ODF2: variants seen among roughly 807,000 people sequenced by gnomAD.
The protein encoded by ODF2 is outer dense fiber of sperm tails 2.
In ODF2, 47 loss-of-function variants were observed where a neutral mutation model predicts 110.2. The observed-to-expected ratio is 0.43, with a 90% CI of 0.34 to 0.54. ODF2 has a LOEUF of 0.54. Ranked by LOEUF, ODF2 falls within the 20% of genes least tolerant of loss-of-function variation. The pLI is 0.03. For missense variants in ODF2, 812 were observed against 1,054.5 expected (o/e 0.77, Z 3.19); for synonymous variants, 352 against 397.7 (o/e 0.89, Z 1.37).
intron 4 of ODF2, among the ~76,000 whole-genome samples, chr9:128,462,838 C>T (rs1776452185): frequency 1.3e-5 from 2 of 152,102 alleles, no homozygotes; most frequent in African/African-American, 4.8e-5. Flanking sequence ...CATGATCCGC[C>T]TACCTCAGCC....
chr9:128,456,874 T>A, intron 1 of ODF2: 1 of 1,298,622 alleles, frequency 7.7e-7, no homozygotes. Context: ...GCCTCCCTCC[T>A]TTAAACACTA....
chr9:128,465,419 A>T (rs1292404876), intron 4 of ODF2, among the ~76,000 whole-genome samples: 1 of 152,180 alleles, frequency 6.6e-6, no homozygotes, highest in Non-Finnish European at 1.5e-5. Context: ...TGGGAGAAAG[A>T]AGGTCTAGGT....
At position 128,492,867 on chromosome 9, in the gene ODF2, G is replaced by A. The variant is rs1844861950; in HGVS notation, c.1752+62G>A. ...ATTCCATATCTAACTCAATGACTGTGAGTCTGTTCCCCTTGTTTGCCTTTG... is the reference window on the plus strand; with the variant it reads ...ATTCCATATCTAACTCAATGACTGTAAGTCTGTTCCCCTTGTTTGCCTTTG... On this transcript the variant is annotated intron_variant, in intron 16 of 20. Coordinates refer to ENST00000604420, the Ensembl canonical transcript of ODF2. The A allele has an allele frequency of 2.8e-6, 4 of 1,427,688 alleles. No homozygotes were observed. The South Asian group carries it at 4.8e-5, about 17-fold the overall frequency. The allele number at this position is 1,427,688 out of a possible 1,614,324, so 88.4% of individuals were successfully genotyped here. A position where few individuals can be genotyped will look rare whatever the true frequency, so the allele number is the denominator to read the frequency against.
At chr9:128,498,819 G>A (rs758838072) in intron 19 of ODF2, among the ~76,000 whole-genome samples, 182 bp from the exon 20 acceptor site, 1 of 152,184 alleles carries the variant, frequency 6.6e-6, no homozygotes, top group African/African-American at 2.4e-5. Flanking sequence ...TGGAGCACTG[G>A]CAAAGCTGGG....
intron 4 of ODF2, 181 bp downstream of exon 4, chr9:128,461,248 G>C (rs2131495589): frequency 2.7e-6 from 2 of 746,414 alleles, no homozygotes; most frequent in South Asian, 3.9e-5. Flanking sequence ...ATACTGCTGT[G>C]TGGGAAGTCC....
chr9:128,488,109 C>A, intron 14 of ODF2, 84 bp downstream of exon 14: 2 of 1,492,966 alleles, frequency 1.3e-6, no homozygotes, highest in Admixed American at 1.8e-5. Context: ...GGCCTGGGGG[C>A]ATCTTGACTA....
At position 128,460,784 on chromosome 9, in the gene ODF2, C is replaced by T. The variant is rs572562516; in HGVS notation, c.124-158C>T. 13 of 1,520,380 alleles carry T rather than the reference C, an allele frequency of 8.6e-6. No individual in the cohort carries two copies. In the East Asian group the frequency reaches 9.2e-5, roughly 11 times the overall value. 94.2% of individuals were successfully genotyped at this position (1,520,380 alleles called of 1,614,324 possible). A position where few individuals can be genotyped will look rare whatever the true frequency, so the allele number is the denominator to read the frequency against. ...GAGACAAACACACTCTTTCGGAGGC[C>T]GGTTTCCTGGTTAGAAGGTAGGCAG... is the stretch of plus-strand genomic sequence containing the variant. On this transcript the variant is annotated intron_variant, in intron 3 of 20. Coordinates refer to ENST00000604420, the Ensembl canonical transcript of ODF2.
intron 8 of ODF2, among the ~76,000 whole-genome samples, chr9:128,476,622 T>C (rs985718655): frequency 1.3e-5 from 2 of 151,508 alleles, no homozygotes; most frequent in African/African-American, 4.8e-5. Flanking sequence ...GTTTTAACAT[T>C]GTCAACCTTG....
chr9:128,476,152 C>T (rs1335624353), intron 8 of ODF2, among the ~76,000 whole-genome samples: 1 of 152,094 alleles, frequency 6.6e-6, no homozygotes, highest in East Asian at 1.9e-4. Flanking sequence ...CGTATCTTGG[C>T]TATTGTGAAT....
At chr9:128,462,842 C>T (rs1445585653) in intron 4 of ODF2, among the ~76,000 whole-genome samples, 1 of 152,126 alleles carries the variant, frequency 6.6e-6, no homozygotes, top group Admixed American at 6.6e-5. Context: ...ATCCGCCTAC[C>T]TCAGCCTCCC....
chr9:128,466,286 C>T (rs766658327), intron 4 of ODF2, among the ~76,000 whole-genome samples: 37 of 151,798 alleles, frequency 2.4e-4, no homozygotes, highest in Non-Finnish European at 4.4e-4. Flanking sequence ...GACAATGTGA[C>T]GAAACCGTAT....
At chr9:128,455,705 G>A (rs910815241), upstream of ODF2, among the ~76,000 whole-genome samples, 3 of 151,754 alleles carry the variant, frequency 2.0e-5, no homozygotes, top group Non-Finnish European at 4.4e-5. Context: ...CGCAGAAGCC[G>A]ACTCCATCTC....
chr9:128,466,979 T>C (rs1279130145), intron 4 of ODF2, among the ~76,000 whole-genome samples: 6 of 33,584 alleles, frequency 1.8e-4, no homozygotes, highest in African/African-American at 8.7e-4. Flanking sequence ...TCCATCTCAA[T>C]TAAAAAAAAA....
At chr9:128,464,886 G>A (rs7856878) in intron 4 of ODF2, among the ~76,000 whole-genome samples, 15,921 of 17,030 alleles carry the variant, frequency 0.93, 7,556 homozygotes, top group Middle Eastern at 1. Flanking sequence ...GTAGAGACGG[G>A]GTTTCACCGT....
At chr9:128,458,576 GCTCT>G (rs1327748141) in intron 2 of ODF2, among the ~76,000 whole-genome samples, 82 of 143,718 alleles carry the variant, frequency 5.7e-4, no homozygotes, top group African/African-American at 1.5e-3. Context: ...ATAGACTTTT[GCTCT>G]CTCTCTTTTT....
At chr9:128,476,593 T>C (rs1274416448) in intron 8 of ODF2, among the ~76,000 whole-genome samples, 4 of 151,780 alleles carry the variant, frequency 2.6e-5, no homozygotes, top group African/African-American at 7.3e-5. Context: ...AAGCCCTGTT[T>C]TTTTGTTTGT....
At chr9:128,476,378 C>T (rs1841260835) in intron 8 of ODF2, among the ~76,000 whole-genome samples, 1 of 151,992 alleles carries the variant, frequency 6.6e-6, no homozygotes, top group South Asian at 2.1e-4. Context: ...ACCTCCACCT[C>T]CTGGGTTCAA....
chr9:128,463,230 G>A (rs890471010), intron 4 of ODF2, among the ~76,000 whole-genome samples: 1 of 152,162 alleles, frequency 6.6e-6, no homozygotes, highest in African/African-American at 2.4e-5. Flanking sequence ...CCACTGCATA[G>A]CCTGTGTGAC....
At chr9:128,470,353 A>G (rs958166927) in intron 5 of ODF2, among the ~76,000 whole-genome samples, 2 of 151,682 alleles carry the variant, frequency 1.3e-5, no homozygotes, top group Non-Finnish European at 2.9e-5. Flanking sequence ...CTTCTTGGCC[A>G]GGCGTGGTGG....
Sources: gnomAD v4.1 joint callset for allele counts (sites outside exome capture counted in the v4.1 genomes callset) on GRCh38, gnomAD v4.1.1 for gene constraint, MANE v1.5 for transcripts, NCBI Gene and HGNC (gene_info 2026-07-23, HGNC 2026-07-21) for gene names.